TRMT11: variants seen among roughly 807,000 people sequenced by gnomAD.
TRMT11 encodes tRNA methyltransferase 11, also known as tRNA (guanine(10)-N(2))-methyltransferase TRMT11.
In TRMT11, 53 loss-of-function variants were observed where a neutral mutation model predicts 62.8. That is an observed-to-expected ratio of 0.84 (90% CI 0.68 to 1.06). The LOEUF (loss-of-function observed/expected upper bound fraction) is 1.06, where lower values mean the gene tolerates loss of function less well. TRMT11 is among the 50% of genes least tolerant of loss of function. The probability of loss-of-function intolerance (pLI) is 0.00; values close to 1 mark genes in which losing one functional copy is unlikely to be tolerated. For synonymous variants in TRMT11, 188 were observed against 190.3 expected (o/e 0.99, Z 0.10); for missense variants, 556 against 553.4 (o/e 1.00, Z -0.05).
chr6:126,003,590 A>T (rs1792866119), intron 7 of TRMT11, among the ~76,000 whole-genome samples: 1 of 152,064 alleles, frequency 6.6e-6, no homozygotes, highest in Non-Finnish European at 1.5e-5. Context: ...GTGAAAAATG[A>T]TATCTCAATG....
chr6:126,183,129 T>C (rs1050715084), intron 1 of TRMT11, among the ~76,000 whole-genome samples: 23 of 152,266 alleles, frequency 1.5e-4, no homozygotes, highest in African/African-American at 5.5e-4. Flanking sequence ...ATGACTTATT[T>C]TGAAAATAGA....
the TRMT11 span, among the ~76,000 whole-genome samples, chr6:126,247,178 A>G: frequency 6.6e-6 from 1 of 152,190 alleles, no homozygotes; most frequent in Non-Finnish European, 1.5e-5. Flanking sequence ...CAAAGCTTAC[A>G]ATCCATCTCT....
intron 11 of TRMT11, among the ~76,000 whole-genome samples, 185 bp from the exon 12 acceptor site, chr6:126,020,975 T>C (rs1368435424): frequency 2.6e-5 from 4 of 152,244 alleles, no homozygotes; most frequent in African/African-American, 9.6e-5. Context: ...TAACTGCATT[T>C]TTGGGATATG....
At chr6:126,013,524 GTGT>G (rs1323578712) in intron 11 of TRMT11, among the ~76,000 whole-genome samples, 2 of 152,172 alleles carry the variant, frequency 1.3e-5, no homozygotes, top group Non-Finnish European at 2.9e-5. Context: ...GCCTCCTGAA[GTGT>G]TGTGATTATA....
intron 17 of TRMT11, among the ~76,000 whole-genome samples, chr6:126,110,125 C>A (rs924694028): frequency 6.6e-6 from 1 of 152,158 alleles, no homozygotes; most frequent in Admixed American, 6.5e-5. Context: ...ACCTGAGACT[C>A]TTAATCAGCA....
At chr6:126,008,534 A>G in intron 8 of TRMT11, 62 bp downstream of exon 8, 2 of 1,382,632 alleles carry the variant, frequency 1.4e-6, no homozygotes, top group Non-Finnish European at 2.1e-6. Context: ...ACCTTTAAAC[A>G]TACAGTTGAC....
At chr6:126,249,032 T>C in the TRMT11 span, among the ~76,000 whole-genome samples, 1 of 152,084 alleles carries the variant, frequency 6.6e-6, no homozygotes, top group South Asian at 2.1e-4. Context: ...TTAAGAGTAT[T>C]GAGAAGGTGA....
chr6:126,085,409 C>T (rs1410437588), intron 17 of TRMT11, among the ~76,000 whole-genome samples: 12 of 152,120 alleles, frequency 7.9e-5, no homozygotes, highest in Admixed American at 7.9e-4. Context: ...TCATAGGAGG[C>T]CTTTTTCCCA....
At chr6:126,009,760 A>G (rs1405397090) in intron 8 of TRMT11, among the ~76,000 whole-genome samples, 1 of 152,108 alleles carries the variant, frequency 6.6e-6, no homozygotes, top group Non-Finnish European at 1.5e-5. Flanking sequence ...TTTAAAAAGT[A>G]CTAAGAATTA....
chr6:126,028,925 A>G (rs1773678655), intron 12 of TRMT11, among the ~76,000 whole-genome samples: 1 of 152,150 alleles, frequency 6.6e-6, no homozygotes, highest in Non-Finnish European at 1.5e-5. Flanking sequence ...CTATGCCAGT[A>G]AAACAGTTTT....
intron 17 of TRMT11, among the ~76,000 whole-genome samples, chr6:126,109,614 T>C (rs1034679500): frequency 6.6e-6 from 1 of 152,192 alleles, no homozygotes; most frequent in Non-Finnish European, 1.5e-5. Context: ...AGATTCTAAT[T>C]TCCTCAGAAT....
chr6:126,242,028 G>T, the TRMT11 span, among the ~76,000 whole-genome samples: 5 of 152,168 alleles, frequency 3.3e-5, no homozygotes, highest in African/African-American at 1.2e-4. Context: ...TTTATATCTA[G>T]AAAACCCCAT....
the TRMT11 span, among the ~76,000 whole-genome samples, chr6:126,254,557 A>T: frequency 6.6e-6 from 1 of 152,310 alleles, no homozygotes; most frequent in South Asian, 2.1e-4. Flanking sequence ...AGATCATAGA[A>T]TGTGTAAAAT....
chr6:125,992,663 T>G (rs954173478), intron 1 of TRMT11, among the ~76,000 whole-genome samples: 1 of 152,232 alleles, frequency 6.6e-6, no homozygotes, highest in Admixed American at 6.5e-5. Flanking sequence ...TTTAAGATTC[T>G]TGTATAAAGC....
chr6:126,175,715 T>A (rs927488807), upstream of TRMT11, among the ~76,000 whole-genome samples: 25 of 152,336 alleles, frequency 1.6e-4, no homozygotes, highest in African/African-American at 5.5e-4. Context: ...TTAGAAAGCA[T>A]GAATATCATC....
At chr6:126,212,203 G>A in the TRMT11 span, among the ~76,000 whole-genome samples, 1 of 152,022 alleles carries the variant, frequency 6.6e-6, no homozygotes, top group Non-Finnish European at 1.5e-5. Flanking sequence ...CCAAATCTCG[G>A]CTATTGTGAA....
At chr6:125,999,414 A>G (rs954830315) in intron 6 of TRMT11, 43 bp from the exon 7 acceptor site, 4 of 1,496,976 alleles carry the variant, frequency 2.7e-6, no homozygotes, top group South Asian at 2.7e-5. Context: ...TCTTAAGTCT[A>G]TTCTGTATGG....
intron 17 of TRMT11, among the ~76,000 whole-genome samples, chr6:126,086,009 CACAAA>C (rs1777213396): frequency 6.6e-6 from 1 of 151,968 alleles, no homozygotes; most frequent in Non-Finnish European, 1.5e-5. Flanking sequence ...CAAAACAAAA[CACAAA>C]ACAAATGAAT....
chr6:126,052,527 C>CA (rs575807595), intron 16 of TRMT11, among the ~76,000 whole-genome samples: 186 of 150,584 alleles, frequency 1.2e-3, no homozygotes, highest in Non-Finnish European at 1.9e-3. Flanking sequence ...AATGCTTGGC[C>CA]AAAAAAAAAT....
Sources: allele counts gnomAD v4.1 joint callset (sites outside exome capture counted in the v4.1 genomes callset), GRCh38; gene constraint gnomAD v4.1.1; transcripts MANE v1.5; gene names NCBI Gene and HGNC (gene_info 2026-07-23, HGNC 2026-07-21).